TLR6: variants seen among roughly 807,000 people sequenced by gnomAD.
The protein encoded by TLR6 is toll like receptor 6.
TLR6 carries 9 observed loss-of-function variants against 16.1 expected under a neutral mutation model. The ratio of observed to expected loss-of-function variants is 0.56; its 90% CI spans 0.34 to 0.98. The LOEUF (loss-of-function observed/expected upper bound fraction) is 0.98, where lower values mean the gene tolerates loss of function less well. Among genes scored for constraint, TLR6 ranks in the 50% least tolerant of loss-of-function variants. The probability of loss-of-function intolerance (pLI) is 0.02; values close to 1 mark genes in which losing one functional copy is unlikely to be tolerated. For missense variants in TLR6, 786 were observed against 921.0 expected (o/e 0.85, Z 1.90); for synonymous variants, 340 against 338.6 (o/e 1.00, Z -0.04).
At chr4:38,861,571 C>T (rs1245713725), upstream of TLR6, among the ~76,000 whole-genome samples, 1 of 152,180 alleles carries the variant, frequency 6.6e-6, no homozygotes, top group Non-Finnish European at 1.5e-5. Flanking sequence ...TCCAGCTCTC[C>T]ACTGGACTAC....
intron 1 of TLR6, among the ~76,000 whole-genome samples, chr4:38,843,324 C>A (rs1203412443): frequency 6.6e-6 from 1 of 152,152 alleles, no homozygotes; most frequent in Non-Finnish European, 1.5e-5. Context: ...AAGCAGCCAC[C>A]AACATTTTTA....
intron 1 of TLR6, among the ~76,000 whole-genome samples, chr4:38,845,789 C>T (rs765028656): frequency 6.6e-6 from 1 of 152,126 alleles, no homozygotes; most frequent in Non-Finnish European, 1.5e-5. Context: ...ACAGCATCAA[C>T]AGAAAATTAG....
intron 1 of TLR6, among the ~76,000 whole-genome samples, chr4:38,840,317 A>C (rs1349838539): frequency 6.6e-6 from 1 of 152,208 alleles, no homozygotes; most frequent in African/African-American, 2.4e-5. Context: ...ACTGATTTGA[A>C]AATAATAATG....
chr4:38,847,865 T>C (rs2109463714), intron 1 of TLR6, among the ~76,000 whole-genome samples: 1 of 152,326 alleles, frequency 6.6e-6, no homozygotes, highest in African/African-American at 2.4e-5. Flanking sequence ...GGGCAGGGCA[T>C]AGCCCAACAA....
At chr4:38,839,685 A>G (rs1712151838) in intron 1 of TLR6, among the ~76,000 whole-genome samples, 1 of 152,230 alleles carries the variant, frequency 6.6e-6, no homozygotes, top group Non-Finnish European at 1.5e-5. Flanking sequence ...CTATTCTGAA[A>G]ACCTGAAACA....
At chr4:38,864,607 A>C in the TLR6 span, among the ~76,000 whole-genome samples, 1 of 152,232 alleles carries the variant, frequency 6.6e-6, no homozygotes, top group Admixed American at 6.5e-5. Flanking sequence ...GATTCTCAAA[A>C]ATATAATGCA....
chr4:38,848,388 A>G (rs913490569), intron 1 of TLR6, among the ~76,000 whole-genome samples: 18 of 152,256 alleles, frequency 1.2e-4, no homozygotes, highest in Admixed American at 1.2e-3. Context: ...CTCCCACTCC[A>G]AAGGAACGCA....
chr4:38,837,986 T>G (rs1044256890), intron 1 of TLR6, among the ~76,000 whole-genome samples: 2 of 152,118 alleles, frequency 1.3e-5, no homozygotes, highest in Admixed American at 6.6e-5. Context: ...CCAAGAGTTA[T>G]ATGAAAAAAA....
At chr4:38,853,165 G>A (rs1329106851) in intron 1 of TLR6, among the ~76,000 whole-genome samples, 1 of 146,736 alleles carries the variant, frequency 6.8e-6, no homozygotes, top group Non-Finnish European at 1.5e-5. Context: ...TCACTCATAG[G>A]TGGGAAATGA....
intron 1 of TLR6, among the ~76,000 whole-genome samples, chr4:38,833,013 C>T (rs1397053727): frequency 6.6e-6 from 1 of 152,130 alleles, no homozygotes; most frequent in Non-Finnish European, 1.5e-5. Context: ...CCTGCCACTG[C>T]CATGGCAGGG....
chr4:38,828,044 T>C (rs771383539), exon 2 of TLR6: 4 of 1,614,092 alleles, frequency 2.5e-6, no homozygotes, highest in Non-Finnish European at 3.4e-6. Flanking sequence ...AACATTGAGT[T>C]CTTGCAAAGC....
chr4:38,846,649 G>C (rs1288785450), intron 1 of TLR6, among the ~76,000 whole-genome samples: 1 of 152,134 alleles, frequency 6.6e-6, no homozygotes, highest in Non-Finnish European at 1.5e-5. Flanking sequence ...ATTTAGCAAA[G>C]AAAAGTAGTA....
rs548721099 is a variant in TLR6, at chr4:38,844,899, C to A, written c.-65+11862G>T. Among the ~76,000 whole-genome samples, 21 of 150,168 alleles carry A rather than the reference C, an allele frequency of 1.4e-4. No homozygotes were observed. In the East Asian group the frequency reaches 2.7e-3, roughly 20 times the overall value. On this transcript the variant is annotated intron_variant, in intron 1 of 1. Transcript: ENST00000436693. ...TGAAACCCTGTCTCTACTAAACAAA[C>A]AAAAAAAAAATTAGCCAGGCGTGGT...
chr4:38,866,626 T>C, the TLR6 span, among the ~76,000 whole-genome samples: 8 of 152,050 alleles, frequency 5.3e-5, no homozygotes, highest in Admixed American at 3.3e-4. Flanking sequence ...AGACAAGTCT[T>C]AGAAGAGTGG....
At chr4:38,836,751 C>T (rs948183824) in intron 1 of TLR6, among the ~76,000 whole-genome samples, 1 of 151,840 alleles carries the variant, frequency 6.6e-6, no homozygotes, top group Non-Finnish European at 1.5e-5. Context: ...CAAGCCTGGC[C>T]AACATGGTGA....
chr4:38,831,473 C>T (rs1212362023), intron 1 of TLR6, among the ~76,000 whole-genome samples: 1 of 152,038 alleles, frequency 6.6e-6, no homozygotes, highest in Non-Finnish European at 1.5e-5. Flanking sequence ...TTGAGATACG[C>T]ATCAAAAACA....
chr4:38,826,975 T>C (rs1049257467), exon 2 of TLR6: 1 of 915,998 alleles, frequency 1.1e-6, no homozygotes, highest in Non-Finnish European at 1.6e-6. Context: ...AAGTCTTTCC[T>C]GAAGGCATGA....
intron 1 of TLR6, among the ~76,000 whole-genome samples, chr4:38,849,139 A>C (rs1712662975): frequency 6.6e-6 from 1 of 152,218 alleles, no homozygotes; most frequent in Non-Finnish European, 1.5e-5. Context: ...TTCTTAAAGA[A>C]AAGAATTTTC....
At chr4:38,832,786 C>T (rs184768647) in intron 1 of TLR6, among the ~76,000 whole-genome samples, 14 of 152,242 alleles carry the variant, frequency 9.2e-5, no homozygotes, top group East Asian at 1.9e-4. Context: ...TGCAATGCCC[C>T]GCATCCCAGG....
Sources: allele counts gnomAD v4.1 joint callset (sites outside exome capture counted in the v4.1 genomes callset), GRCh38; gene constraint gnomAD v4.1.1; transcripts MANE v1.5; gene names NCBI Gene and HGNC (gene_info 2026-07-23, HGNC 2026-07-21).